Variants in PKNOX2 observed in about 807,000 individuals in gnomAD.
The protein encoded by PKNOX2 is homeobox protein PKNOX2.
In PKNOX2, 14 loss-of-function variants were observed where a neutral mutation model predicts 53.1. That is an observed-to-expected ratio of 0.26 (90% CI 0.17 to 0.41). The LOEUF (loss-of-function observed/expected upper bound fraction) is 0.41, where lower values mean the gene tolerates loss of function less well. PKNOX2 is among the 10% of genes least tolerant of loss of function. The pLI is 1.00. For synonymous variants in PKNOX2, 257 were observed against 242.8 expected (o/e 1.06, Z -0.54); for missense variants, 496 against 602.8 (o/e 0.82, Z 1.85).
rs979769060 is a variant in PKNOX2 at position 125,370,177 on chromosome 11, C to T, written c.227+2192C>T. Among the ~76,000 whole-genome samples the T allele has an allele frequency of 6.6e-6, 1 of 152,176 alleles. No homozygotes were observed. Among genetic ancestry groups the T allele is most frequent in the Non-Finnish European group, 1.5e-5 (1 of 68,034 alleles). Reference sequence around the variant, plus strand: ...TCCACTGTGTCCTAGCCTCTCTGAGCTTTCATGTCCCGATGGAACCTAAGC... The same window carrying T: ...TCCACTGTGTCCTAGCCTCTCTGAGTTTTCATGTCCCGATGGAACCTAAGC... On this transcript the variant is annotated intron_variant, in intron 5 of 12. Coordinates refer to ENST00000298282, the MANE Select transcript of PKNOX2 (RefSeq NM_001382323.2). The surrounding 1 kb of genome is among the most constrained non-coding windows in gnomAD (Gnocchi z 4.1).
At chr11:125,180,953 G>A (rs1350421008) in intron 1 of PKNOX2, among the ~76,000 whole-genome samples, 1 of 152,238 alleles carries the variant, frequency 6.6e-6, no homozygotes, top group Non-Finnish European at 1.5e-5. Flanking sequence ...GAGAATGCAA[G>A]AAGTATCAGA....
intron 2 of PKNOX2, among the ~76,000 whole-genome samples, chr11:125,329,085 A>G (rs887188163): frequency 4.6e-5 from 7 of 152,244 alleles, no homozygotes; most frequent in Admixed American, 1.3e-4. Flanking sequence ...CAAAAACTGG[A>G]AATAATCTAA....
intron 1 of PKNOX2, among the ~76,000 whole-genome samples, chr11:125,229,194 A>G (rs940993279): frequency 3.3e-5 from 5 of 152,096 alleles, no homozygotes; most frequent in Non-Finnish European, 5.9e-5. Context: ...CCACCCCCAC[A>G]CTATCACCTT....
At chr11:125,290,831 C>T (rs1036811019) in intron 2 of PKNOX2, among the ~76,000 whole-genome samples, 1 of 151,856 alleles carries the variant, frequency 6.6e-6, no homozygotes, top group South Asian at 2.1e-4. Context: ...GCCTGAGGTT[C>T]TGTGGGAGCC....
chr11:125,389,545 C>T (rs1226012347), intron 6 of PKNOX2, among the ~76,000 whole-genome samples: 6 of 152,188 alleles, frequency 3.9e-5, no homozygotes, highest in East Asian at 1.9e-4. Flanking sequence ...TTCCCATAGC[C>T]GCAGGGGCTC....
intron 5 of PKNOX2, among the ~76,000 whole-genome samples, chr11:125,379,441 T>C (rs1223352077): frequency 6.6e-6 from 1 of 152,172 alleles, no homozygotes; most frequent in Non-Finnish European, 1.5e-5. Context: ...TTAAGTTATA[T>C]ATGAGCATAA....
intron 10 of PKNOX2, among the ~76,000 whole-genome samples, chr11:125,416,848 G>T (rs926192416): frequency 2.0e-5 from 3 of 151,992 alleles, no homozygotes; most frequent in Non-Finnish European, 4.4e-5. Context: ...TGTATTCTTT[G>T]GTTCCCTTTG....
chr11:125,386,747 C>T (rs1193774244), intron 6 of PKNOX2, among the ~76,000 whole-genome samples: 1 of 151,660 alleles, frequency 6.6e-6, no homozygotes, highest in African/African-American at 2.4e-5. Flanking sequence ...CACACACACA[C>T]ACACACTGCA....
chr11:125,335,022 G>A lies in PKNOX2; in HGVS notation c.-23+3097G>A, dbSNP rs561168318. The stretch of plus-strand genomic sequence containing the variant: ...AAGAATGCACCTCACACAATGTCTG[G>A]TGCATCAGAAATGCTCAGAAAATGC... On this transcript the variant is annotated intron_variant, in intron 3 of 12. Transcript: ENST00000298282. Among the ~76,000 whole-genome samples the A allele has an allele frequency of 7.2e-5, 11 of 152,222 alleles. No homozygotes were observed. In the South Asian group the frequency reaches 2.3e-3, roughly 32 times the overall value.
chr11:125,312,000 C>G (rs1200862152), intron 2 of PKNOX2, among the ~76,000 whole-genome samples: 1 of 152,072 alleles, frequency 6.6e-6, no homozygotes, highest in Admixed American at 6.5e-5. Flanking sequence ...ATGAGACTGT[C>G]TCAAAGAAGA....
At chr11:125,202,980 C>T (rs941207971) in intron 1 of PKNOX2, among the ~76,000 whole-genome samples, 2 of 152,018 alleles carry the variant, frequency 1.3e-5, no homozygotes, top group Non-Finnish European at 2.9e-5. Flanking sequence ...AGAATTTCAC[C>T]GTGGTAAGTT....
intron 2 of PKNOX2, chr11:125,277,704 G>A (rs1946268227): frequency 6.6e-6 from 1 of 152,128 alleles, no homozygotes; most frequent in Non-Finnish European, 1.5e-5. Flanking sequence ...GTGTTCAATA[G>A]TACAGTAGGG....
At chr11:125,356,353 A>C (rs971005194) in intron 4 of PKNOX2, among the ~76,000 whole-genome samples, 4 of 152,212 alleles carry the variant, frequency 2.6e-5, no homozygotes, top group African/African-American at 2.4e-5. Flanking sequence ...GATGAGTGGC[A>C]TTGAAAGGGT....
At chr11:125,356,192 G>T (rs1951604649) in intron 4 of PKNOX2, among the ~76,000 whole-genome samples, 1 of 152,194 alleles carries the variant, frequency 6.6e-6, no homozygotes, top group Non-Finnish European at 1.5e-5. Flanking sequence ...CATGTCAGCT[G>T]CATGAGCATT....
chr11:125,382,983 A>C (rs1310383200), intron 5 of PKNOX2, among the ~76,000 whole-genome samples: 1 of 152,072 alleles, frequency 6.6e-6, no homozygotes, highest in Non-Finnish European at 1.5e-5. Context: ...GGGGCCCAGC[A>C]GTTTAGGCAT....
intron 4 of PKNOX2, among the ~76,000 whole-genome samples, chr11:125,363,050 C>G (rs998817045): frequency 3.3e-5 from 5 of 152,204 alleles, no homozygotes; most frequent in African/African-American, 9.7e-5. Context: ...AGATGGCAGA[C>G]AGAAGTCCAG....
At chr11:125,254,088 A>T (rs192641052) in intron 2 of PKNOX2, among the ~76,000 whole-genome samples, 44 of 152,298 alleles carry the variant, frequency 2.9e-4, no homozygotes, top group African/African-American at 1.0e-3. Context: ...GGAAACAAAC[A>T]AATGGAGATG....
At chr11:125,315,785 G>A (rs1949147511) in intron 2 of PKNOX2, among the ~76,000 whole-genome samples, 2 of 152,098 alleles carry the variant, frequency 1.3e-5, no homozygotes, top group Admixed American at 6.5e-5. Context: ...CTGCACACCC[G>A]AGACCACAGT....
chr11:125,242,348 C>T (rs531308991), intron 2 of PKNOX2, among the ~76,000 whole-genome samples: 11 of 152,160 alleles, frequency 7.2e-5, no homozygotes, highest in Non-Finnish European at 4.4e-5. Flanking sequence ...CCTCTTCATA[C>T]CCCCACCTGC....
Sources: allele counts gnomAD v4.1 joint callset (sites outside exome capture counted in the v4.1 genomes callset), GRCh38; gene constraint gnomAD v4.1.1; non-coding constraint Gnocchi (gnomAD v3.1); transcripts MANE v1.5; gene names NCBI Gene and HGNC (gene_info 2026-07-23, HGNC 2026-07-21).